ETS1: variants seen among roughly 807,000 people sequenced by gnomAD.
ETS1 encodes ETS proto-oncogene 1, transcription factor.
ETS1 carries 15 observed loss-of-function variants against 58.6 expected under a neutral mutation model. The ratio of observed to expected loss-of-function variants is 0.26; its 90% confidence interval spans 0.17 to 0.39. The LOEUF (loss-of-function observed/expected upper bound fraction) is 0.39. Ranked by LOEUF, ETS1 falls within the 10% of genes least tolerant of loss-of-function variation. The pLI is 1.00. For missense variants in ETS1, 417 were observed against 610.5 expected (o/e 0.68, Z 3.34); for synonymous variants, 214 against 218.2 (o/e 0.98, Z 0.17).
At chr11:128,484,752 C>T (rs1862579222) in intron 7 of ETS1, 71 bp downstream of exon 7, 10 of 1,448,290 alleles carry the variant, frequency 6.9e-6, no homozygotes, top group Non-Finnish European at 9.4e-6. Context: ...AAAAATGGAA[C>T]CTGAAAAAAA....
chr11:128,522,183 G>A, intron 3 of ETS1: 1 of 1,255,676 alleles, frequency 8.0e-7, no homozygotes, highest in Non-Finnish European at 1.0e-6. Context: ...TCCAGGGGAA[G>A]TTGGCACTTT....
chr11:128,527,234 T>G (rs745908143), intron 3 of ETS1: 2 of 287,500 alleles, frequency 7.0e-6, no homozygotes, highest in Non-Finnish European at 1.4e-5. Flanking sequence ...AGAAAGGGCC[T>G]GGGTTGGCTC....
At chr11:128,481,916 C>A in intron 7 of ETS1, among the ~76,000 whole-genome samples, 1 of 152,062 alleles carries the variant, frequency 6.6e-6, no homozygotes. Flanking sequence ...CATCCTGACC[C>A]CCTCTGGAAC....
At chr11:128,469,550 C>T (rs866127125) in intron 8 of ETS1, among the ~76,000 whole-genome samples, 61 of 152,344 alleles carry the variant, frequency 4.0e-4, no homozygotes, top group African/African-American at 1.2e-3. Flanking sequence ...TGTCAACCCT[C>T]TTCTAAATCA....
intron 8 of ETS1, among the ~76,000 whole-genome samples, chr11:128,467,017 C>A (rs1357185831): frequency 2.6e-5 from 4 of 152,132 alleles, no homozygotes; most frequent in Non-Finnish European, 4.4e-5. Flanking sequence ...CATTTTTGTA[C>A]CAAGTGAGAG....
At chr11:128,510,988 T>C (rs1863378507) in intron 3 of ETS1, among the ~76,000 whole-genome samples, 1 of 152,226 alleles carries the variant, frequency 6.6e-6, no homozygotes, top group African/African-American at 2.4e-5. Context: ...TGAGTGTCTA[T>C]GCATGGTACC....
Position 128,459,246 on chromosome 11 carries a change from T to A in ETS1, c.*3115A>T, listed in dbSNP as rs1861844169. On this transcript the variant is annotated 3_prime_UTR_variant, in exon 10 of 10. Coordinates refer to ENST00000392668, the MANE Select transcript of ETS1 (RefSeq NM_001143820.2). ...CATATATTTATGGTTCCTTGAAACT[T>A]CTTTGGAATGTAGGTAAGAGTTCAA... 6.6e-6 allele frequency: 1 copy of A among 152,308 alleles called. No homozygotes were observed. Among genetic ancestry groups the A allele is most frequent in the Admixed American group, 6.6e-5 (1 of 15,236 alleles). 9.4% of individuals were successfully genotyped at this position (152,308 alleles called of 1,614,324 possible).
intron 2 of ETS1, among the ~76,000 whole-genome samples, chr11:128,560,061 C>T (rs1864380065): frequency 6.6e-6 from 1 of 152,192 alleles, no homozygotes; most frequent in South Asian, 2.1e-4. Context: ...ACCTAACAAA[C>T]ATCACACATC....
Position 128,542,536 on chromosome 11 carries a change from C to T in ETS1, c.214+13755G>A, listed in dbSNP as rs547561283. Among the ~76,000 whole-genome samples the T allele has an allele frequency of 1.8e-4, 27 of 151,112 alleles. No individual in the cohort carries two copies. In the South Asian group the frequency reaches 2.1e-3, roughly 12 times the overall value. On this transcript the variant is annotated intron_variant, in intron 3 of 9. Transcript: ENST00000392668. ...TCTGCCACTTAAAAACAAAAAGATC[C>T]TTCCTTAACCAACACAAGTGTTAAG...
At chr11:128,573,953 C>T (rs911168027) in intron 1 of ETS1, among the ~76,000 whole-genome samples, 1 of 152,178 alleles carries the variant, frequency 6.6e-6, no homozygotes, top group South Asian at 2.1e-4. Flanking sequence ...AGGCCAAATT[C>T]TTATTGTTAG....
intron 4 of ETS1, among the ~76,000 whole-genome samples, chr11:128,489,964 TTAG>T (rs1373529955): frequency 1.3e-5 from 2 of 152,232 alleles, no homozygotes; most frequent in African/African-American, 4.8e-5. Context: ...ATTGTAGCAA[TTAG>T]TAGTAGTCAT....
At chr11:128,523,720 T>C (rs1863746388) in intron 3 of ETS1, among the ~76,000 whole-genome samples, 1 of 152,200 alleles carries the variant, frequency 6.6e-6, no homozygotes, top group South Asian at 2.1e-4. Context: ...CCCTCCTTAG[T>C]GACCAGAGGA....
intron 3 of ETS1, among the ~76,000 whole-genome samples, chr11:128,513,652 A>G (rs1863446685): frequency 6.6e-6 from 1 of 152,256 alleles, no homozygotes; most frequent in Non-Finnish European, 1.5e-5. Flanking sequence ...TTTTGGCAAA[A>G]GATATCAAAT....
intron 1 of ETS1, among the ~76,000 whole-genome samples, chr11:128,577,126 G>GT (rs1332954340): frequency 1.3e-5 from 2 of 152,078 alleles, no homozygotes; most frequent in Non-Finnish European, 2.9e-5. Context: ...GAAACTCATT[G>GT]TTTTTTTAAA....
chr11:128,497,578 T>C lies in ETS1; in HGVS notation c.215-7002A>G, dbSNP rs561294435. ...CTGAGGATTTGGTGACTCACCAGGC[T>C]CACACATGGTTCCAATGAGCCCTTG... On this transcript the variant is annotated intron_variant, in intron 3 of 9. Transcript: ENST00000392668. 73 of 984,884 alleles carry C rather than the reference T, an allele frequency of 7.4e-5. 1 individual carries two copies. In the South Asian group the frequency reaches 3.0e-3, roughly 40 times the overall value. The allele number at this position is 984,884 out of a possible 1,614,324, so 61.0% of individuals were successfully genotyped here.
At chr11:128,522,648 G>T (rs936286747) in intron 3 of ETS1, among the ~76,000 whole-genome samples, 4 of 152,206 alleles carry the variant, frequency 2.6e-5, no homozygotes, top group Admixed American at 2.6e-4. Context: ...TGCACAGGCC[G>T]CCTCCACCGT....
At chr11:128,506,374 A>G (rs1863233764) in intron 3 of ETS1, among the ~76,000 whole-genome samples, 1 of 152,246 alleles carries the variant, frequency 6.6e-6, no homozygotes, top group Admixed American at 6.5e-5. Context: ...CCTTGGTGAT[A>G]GATCCCTCAG....
intron 3 of ETS1, among the ~76,000 whole-genome samples, chr11:128,510,872 C>T (rs1468255020): frequency 6.6e-6 from 1 of 152,184 alleles, no homozygotes; most frequent in Non-Finnish European, 1.5e-5. Flanking sequence ...GAATGCTCTG[C>T]CTCCCATAAT....
intron 9 of ETS1, among the ~76,000 whole-genome samples, chr11:128,462,854 CA>C (rs1253572732): frequency 2.6e-5 from 4 of 151,988 alleles, no homozygotes; most frequent in Admixed American, 1.3e-4. Context: ...CTTTAAAAAA[CA>C]AACAAAAAGC....
Sources: gnomAD v4.1 joint callset for allele counts (sites outside exome capture counted in the v4.1 genomes callset) on GRCh38, gnomAD v4.1.1 for gene constraint, MANE v1.5 for transcripts, NCBI Gene and HGNC (gene_info 2026-07-23, HGNC 2026-07-21) for gene names.